Variants in SLC25A26 observed in about 807,000 individuals in gnomAD.
SLC25A26 encodes the protein mitochondrial S-adenosylmethionine carrier protein.
Under a neutral mutation model 37.8 loss-of-function variants are expected in SLC25A26, and 36 were observed. The observed-to-expected ratio is 0.95, with a 90% CI of 0.73 to 1.26. SLC25A26 has a LOEUF of 1.26. SLC25A26 is among the 50% of genes most tolerant of loss of function. The pLI is 0.00. For missense variants in SLC25A26, 390 were observed against 331.1 expected, an observed-to-expected ratio of 1.18 and a Z score of -1.38; for synonymous variants, 129 against 122.5, an observed-to-expected ratio of 1.05 and a Z score of -0.35.
At position 66,233,047 on chromosome 3, in the gene SLC25A26, T is replaced by C. The variant is rs942673722; in HGVS notation, c.34-3497T>C. 6.6e-5 allele frequency among the ~76,000 whole-genome samples: 10 copies of C among 152,370 alleles called. No individual in the cohort carries two copies. The East Asian group carries it at 1.7e-3, about 26-fold the overall frequency. ...CCCTTGAGAAGCCATGTTAATGTTA[T>C]GGCTGGCTCTTCTTAGCTGTCGTTT... On this transcript the variant is annotated intron_variant, in intron 1 of 9. Coordinates refer to ENST00000354883, the MANE Select transcript of SLC25A26 (RefSeq NM_001379210.1).
At chr3:66,225,921 A>G (rs1181268848) in intron 1 of SLC25A26, among the ~76,000 whole-genome samples, 1 of 152,136 alleles carries the variant, frequency 6.6e-6, no homozygotes, top group Non-Finnish European at 1.5e-5. Flanking sequence ...TGTCCATCTC[A>G]CTGTCAGCAT....
intron 1 of SLC25A26, among the ~76,000 whole-genome samples, chr3:66,195,894 A>G (rs2071037707): frequency 6.6e-6 from 1 of 152,238 alleles, no homozygotes; most frequent in African/African-American, 2.4e-5. Context: ...TTGGCAAATT[A>G]TTTATGTAAC....
At chr3:66,176,502 A>C (rs536621553) in intron 1 of SLC25A26, among the ~76,000 whole-genome samples, 1 of 152,272 alleles carries the variant, frequency 6.6e-6, no homozygotes, top group South Asian at 2.1e-4. Flanking sequence ...ATACATTTGA[A>C]CCTTATTGAT....
rs71105981 is a variant in SLC25A26 at position 66,319,744 on chromosome 3, C to CTTTT, written c.454-26597_454-26594dup. Among the ~76,000 whole-genome samples the CTTTT allele has an allele frequency of 1.8e-3, 162 of 92,116 alleles. 11 individuals are homozygous for CTTTT. The highest frequency in any genetic ancestry group is 0.012 in the East Asian group (35 of 2,864). The allele number at this position is 92,116 out of a possible 152,430, so 60.4% of individuals were successfully genotyped here. Reference sequence around the variant, plus strand: ...CAAAGTACTGTGACAGCAATTAAATCTTTTTTTTTTTTTTTTTTTTTTTTT... The same window carrying CTTTT: ...CAAAGTACTGTGACAGCAATTAAATCTTTTTTTTTTTTTTTTTTTTTTTTTTTTT... On this transcript the variant is annotated intron_variant, in intron 5 of 9. Coordinates refer to ENST00000354883, the MANE Select transcript of SLC25A26 (RefSeq NM_001379210.1).
At chr3:66,145,062 T>C (rs1158202244) in intron 1 of SLC25A26, among the ~76,000 whole-genome samples, 1 of 152,074 alleles carries the variant, frequency 6.6e-6, no homozygotes, top group African/African-American at 2.4e-5. Context: ...CCCTTAAGAA[T>C]TACTGTAAAA....
intron 7 of SLC25A26, among the ~76,000 whole-genome samples, chr3:66,365,142 C>T (rs898380895): frequency 6.6e-6 from 1 of 152,130 alleles, no homozygotes; most frequent in Non-Finnish European, 1.5e-5. Flanking sequence ...CTTGTGAAGT[C>T]CCTTTAAAAT....
intron 1 of SLC25A26, among the ~76,000 whole-genome samples, chr3:66,147,000 T>C (rs1452080549): frequency 3.3e-5 from 5 of 151,354 alleles, no homozygotes; most frequent in Admixed American, 6.6e-5. Flanking sequence ...GCAAATGACA[T>C]TGTTTCATTC....
chr3:66,137,774 G>A (rs956058789), intron 1 of SLC25A26, among the ~76,000 whole-genome samples: 32 of 152,086 alleles, frequency 2.1e-4, no homozygotes, highest in African/African-American at 7.2e-4. Context: ...GACTCCATAA[G>A]AGCTTGTTTT....
At chr3:66,210,906 CA>C (rs2071276487) in intron 1 of SLC25A26, among the ~76,000 whole-genome samples, 1 of 152,168 alleles carries the variant, frequency 6.6e-6, no homozygotes, top group South Asian at 2.1e-4. Context: ...AGGCAACAGT[CA>C]GGGGCCAGAT....
intron 5 of SLC25A26, among the ~76,000 whole-genome samples, chr3:66,340,415 A>G (rs2076182471): frequency 1.3e-5 from 2 of 152,050 alleles, no homozygotes; most frequent in South Asian, 4.1e-4. Flanking sequence ...TTAAAATTTG[A>G]TGTAAATTAA....
chr3:66,225,717 C>T (rs939320111), intron 1 of SLC25A26, among the ~76,000 whole-genome samples: 1 of 152,150 alleles, frequency 6.6e-6, no homozygotes, highest in Non-Finnish European at 1.5e-5. Context: ...GCTTTGTCAC[C>T]TCTAGGATGC....
intron 1 of SLC25A26, among the ~76,000 whole-genome samples, chr3:66,167,319 T>C (rs1441360304): frequency 6.6e-6 from 1 of 152,202 alleles, no homozygotes; most frequent in Non-Finnish European, 1.5e-5. Flanking sequence ...TTTAGCTGCC[T>C]GTGGGAAATA....
chr3:66,278,857 C>A (rs950834177), intron 5 of SLC25A26, among the ~76,000 whole-genome samples: 2 of 152,156 alleles, frequency 1.3e-5, no homozygotes, highest in Non-Finnish European at 2.9e-5. Flanking sequence ...TTGACAATTT[C>A]ATCCTGTCTT....
intron 2 of SLC25A26, among the ~76,000 whole-genome samples, chr3:66,242,182 C>T (rs2072616486): frequency 6.6e-6 from 1 of 152,176 alleles, no homozygotes; most frequent in Admixed American, 6.5e-5. Context: ...CACTGTCTCT[C>T]TCCCTTTTCT....
intron 6 of SLC25A26, among the ~76,000 whole-genome samples, chr3:66,352,384 G>A (rs192825589): frequency 9.2e-4 from 139 of 150,840 alleles, no homozygotes; most frequent in African/African-American, 3.2e-3. Context: ...GCCCGGCCAC[G>A]TTGCGCTGAC....
intron 5 of SLC25A26, among the ~76,000 whole-genome samples, chr3:66,278,241 A>C (rs954755379): frequency 6.6e-6 from 1 of 152,140 alleles, no homozygotes; most frequent in Non-Finnish European, 1.5e-5. Flanking sequence ...ACATTGTATG[A>C]AGTACTTGTT....
chr3:66,376,890 A>C (rs924620428), intron 9 of SLC25A26, among the ~76,000 whole-genome samples: 2 of 152,190 alleles, frequency 1.3e-5, no homozygotes, highest in African/African-American at 4.8e-5. Context: ...CCTTGGACTT[A>C]GTTTTTTAAA....
At chr3:66,172,533 G>A (rs748335777) in intron 1 of SLC25A26, among the ~76,000 whole-genome samples, 17 of 152,050 alleles carry the variant, frequency 1.1e-4, no homozygotes, top group Non-Finnish European at 1.6e-4. Context: ...AGACTGGTCG[G>A]GGCTGTATAT....
At chr3:66,187,595 C>G (rs2070854089) in intron 1 of SLC25A26, among the ~76,000 whole-genome samples, 1 of 152,078 alleles carries the variant, frequency 6.6e-6, no homozygotes, top group Non-Finnish European at 1.5e-5. Context: ...CTGACCCTGA[C>G]AGTCAACCTA....
Sources: gnomAD v4.1 joint callset for allele counts (sites outside exome capture counted in the v4.1 genomes callset) on GRCh38, gnomAD v4.1.1 for gene constraint, MANE v1.5 for transcripts, NCBI Gene and HGNC (gene_info 2026-07-23, HGNC 2026-07-21) for gene names.